CACNA2D1: variants seen among roughly 807,000 people sequenced by gnomAD.
CACNA2D1 encodes calcium voltage-gated channel auxiliary subunit alpha2delta 1.
CACNA2D1 carries 53 observed loss-of-function variants against 171.5 expected under a neutral mutation model. That is an observed-to-expected ratio of 0.31 (90% CI 0.25 to 0.39). The LOEUF is 0.39. Ranked by LOEUF, CACNA2D1 falls within the 10% of genes least tolerant of loss-of-function variation. CACNA2D1 has a pLI of 1.00. For synonymous variants in CACNA2D1, 442 were observed against 443.1 expected (o/e 1.00, Z 0.03); for missense variants, 903 against 1,299.8 (o/e 0.69, Z 4.69).
At chr7:82,392,709 G>A (rs1825270038) in intron 1 of CACNA2D1, among the ~76,000 whole-genome samples, 1 of 152,150 alleles carries the variant, frequency 6.6e-6, no homozygotes, top group Non-Finnish European at 1.5e-5. Flanking sequence ...TAGAATGAAT[G>A]AATGTATTAA....
intron 1 of CACNA2D1, among the ~76,000 whole-genome samples, chr7:82,443,116 G>A (rs900782303): frequency 2.0e-5 from 3 of 152,130 alleles, no homozygotes; most frequent in African/African-American, 7.2e-5. Context: ...TCGTCGGCGG[G>A]CGCTTCCCGG....
chr7:82,204,265 T>C (rs1371785335), intron 3 of CACNA2D1, among the ~76,000 whole-genome samples: 3 of 152,194 alleles, frequency 2.0e-5, no homozygotes, highest in Non-Finnish European at 4.4e-5. Context: ...ACAACTATGA[T>C]AACCTGCACC....
At chr7:82,121,279 A>G (rs1056401288) in intron 5 of CACNA2D1, among the ~76,000 whole-genome samples, 1 of 151,566 alleles carries the variant, frequency 6.6e-6, no homozygotes, top group Non-Finnish European at 1.5e-5. Flanking sequence ...CTGGTCTCAA[A>G]CTCCTGGCCT....
intron 1 of CACNA2D1, among the ~76,000 whole-genome samples, chr7:82,405,226 A>C (rs1483740392): frequency 6.6e-6 from 1 of 152,178 alleles, no homozygotes; most frequent in Non-Finnish European, 1.5e-5. Context: ...ATGTATGCCT[A>C]ATTAGACAAT....
At chr7:82,434,522 C>T (rs750946967) in intron 1 of CACNA2D1, among the ~76,000 whole-genome samples, 2 of 152,058 alleles carry the variant, frequency 1.3e-5, no homozygotes, top group African/African-American at 2.4e-5. Context: ...TCTCACTCCT[C>T]CCACTCTCCA....
intron 2 of CACNA2D1, among the ~76,000 whole-genome samples, chr7:82,349,345 T>C (rs1288530746): frequency 1.3e-5 from 2 of 152,180 alleles, no homozygotes; most frequent in Non-Finnish European, 2.9e-5. Context: ...GAGACCTACG[T>C]ATCAACTGCA....
intron 1 of CACNA2D1, among the ~76,000 whole-genome samples, chr7:82,432,292 G>A (rs890162368): frequency 1.3e-4 from 20 of 152,190 alleles, no homozygotes; most frequent in African/African-American, 3.9e-4. Flanking sequence ...GCCACAAACC[G>A]CAAGCATGGT....
intron 3 of CACNA2D1, among the ~76,000 whole-genome samples, chr7:82,310,253 T>C (rs528741289): frequency 1.3e-5 from 2 of 151,948 alleles, no homozygotes; most frequent in East Asian, 3.9e-4. Context: ...ATTAAATCTA[T>C]TAAATAATTC....
intron 2 of CACNA2D1, among the ~76,000 whole-genome samples, chr7:82,341,910 CA>C (rs1205476370): frequency 6.6e-6 from 1 of 151,282 alleles, no homozygotes; most frequent in African/African-American, 2.4e-5. Flanking sequence ...AAAAATTAGC[CA>C]GGCGTGGTGG....
intron 1 of CACNA2D1, among the ~76,000 whole-genome samples, chr7:82,411,713 T>C (rs1357033557): frequency 6.6e-6 from 1 of 152,154 alleles, no homozygotes; most frequent in East Asian, 1.9e-4. Flanking sequence ...AGAAAATATC[T>C]TGGGGAATTT....
rs1811676348 is a variant in CACNA2D1, at chr7:82,094,899, C to A, written c.527-9999G>T. The stretch of plus-strand genomic sequence containing the variant: ...GGTCTTTTGTGTAACCTTTAAATAC[C>A]CTCCCTCCCTCTAATTCCAGCTCAC... On this transcript the variant is annotated intron_variant, in intron 6 of 38. Transcript: ENST00000356860. 2.0e-5 allele frequency among the ~76,000 whole-genome samples: 3 copies of A among 151,474 alleles called. No homozygotes were observed. The South Asian group carries it at 6.3e-4, about 32-fold the overall frequency.
chr7:81,967,297 A>G, intron 30 of CACNA2D1, 90 bp from the exon 31 acceptor site: 7 of 1,080,176 alleles, frequency 6.5e-6, no homozygotes, highest in Non-Finnish European at 9.8e-6. Context: ...ATTCTGAAAT[A>G]ATTTATCCAG....
At chr7:82,324,334 G>C (rs1254454621) in intron 3 of CACNA2D1, among the ~76,000 whole-genome samples, 2 of 149,854 alleles carry the variant, frequency 1.3e-5, no homozygotes, top group Non-Finnish European at 3.0e-5. Context: ...CTCCAGCCTG[G>C]GCAACAAGAG....
At chr7:82,036,632 C>A (rs1803316696) in intron 11 of CACNA2D1, among the ~76,000 whole-genome samples, 1 of 152,262 alleles carries the variant, frequency 6.6e-6, no homozygotes, top group South Asian at 2.1e-4. Flanking sequence ...ATTTAGCACT[C>A]AGAGCAGCTG....
intron 6 of CACNA2D1, among the ~76,000 whole-genome samples, chr7:82,114,760 GAAAAAAAAAAA>G (rs34240770): frequency 9.7e-6 from 1 of 103,112 alleles, no homozygotes; most frequent in Non-Finnish European, 2.1e-5. Flanking sequence ...CGTCCCAGAA[GAAAAAAAAAAA>G]AAAAAAAAGA....
At chr7:82,342,352 G>A (rs1818777468) in intron 2 of CACNA2D1, among the ~76,000 whole-genome samples, 1 of 152,144 alleles carries the variant, frequency 6.6e-6, no homozygotes, top group Non-Finnish European at 1.5e-5. Flanking sequence ...TACGTAACCA[G>A]CGCATAGCAC....
In CACNA2D1 at chr7:82,170,533, T is replaced by C; in HGVS notation, c.354+17A>G. 1 of 1,598,360 alleles carries C rather than the reference T, an allele frequency of 6.3e-7. No homozygotes were observed. Among genetic ancestry groups the C allele is most frequent in the Non-Finnish European group, 8.6e-7 (1 of 1,166,002 alleles). Reference sequence around the variant, plus strand: ...ATGTCAAGCTATTTAAATCAAGTAGTTAAAAGGGGTTCTTACTGCAAAATC... The same window carrying C: ...ATGTCAAGCTATTTAAATCAAGTAGCTAAAAGGGGTTCTTACTGCAAAATC... On this transcript the variant is annotated intron_variant, in intron 4 of 38. Coordinates refer to ENST00000356860, the MANE Select transcript of CACNA2D1 (RefSeq NM_000722.4).
rs1792253352 is a variant in CACNA2D1 at position 81,948,863 on chromosome 7, A to G, written c.*1529T>C. The G allele has an allele frequency of 6.6e-6, 1 of 152,110 alleles. No individual in the cohort carries two copies. The highest frequency in any genetic ancestry group is 1.9e-4 in the East Asian group (1 of 5,176). 9.4% of individuals were successfully genotyped at this position (152,110 alleles called of 1,614,324 possible). On this transcript the variant is annotated 3_prime_UTR_variant, in exon 39 of 39. Transcript: ENST00000356860. ...AAAATAATTTTTAAAAGCATAAATAATCTGCTACCATATTAGTCTATAATG... is the reference window on the plus strand; with the variant it reads ...AAAATAATTTTTAAAAGCATAAATAGTCTGCTACCATATTAGTCTATAATG...
intron 10 of CACNA2D1, among the ~76,000 whole-genome samples, chr7:82,047,980 G>A (rs758533878): frequency 4.5e-4 from 69 of 152,214 alleles, no homozygotes; most frequent in Non-Finnish European, 3.8e-4. Context: ...AGCTATCTAG[G>A]CCTGGAAGCA....
Sources: allele counts gnomAD v4.1 joint callset (sites outside exome capture counted in the v4.1 genomes callset), GRCh38; gene constraint gnomAD v4.1.1; transcripts MANE v1.5; gene names NCBI Gene and HGNC (gene_info 2026-07-23, HGNC 2026-07-21).